The following ANK1 variants were observed in gnomAD, a reference collection of about 807,000 sequenced individuals.
ANK1 encodes ankyrin 1, also known as ankyrin-1.
ANK1 carries 51 observed loss-of-function variants against 210.4 expected under a neutral mutation model. That is an observed-to-expected ratio of 0.24 (90% CI 0.19 to 0.31). The LOEUF is 0.31. ANK1 is among the 10% of genes least tolerant of loss of function. ANK1 has a pLI of 1.00. For missense variants in ANK1, 2,051 were observed against 2,504.4 expected (o/e 0.82, Z 3.86); for synonymous variants, 967 against 1,025.9 (o/e 0.94, Z 1.10).
chr8:41,841,155 G>A (rs1192982686), intron 1 of ANK1, among the ~76,000 whole-genome samples: 3 of 152,180 alleles, frequency 2.0e-5, no homozygotes, highest in Admixed American at 6.5e-5. Context: ...CAGCCCACAT[G>A]TCCAATGTAA....
chr8:41,855,745 T>C (rs1441000212), intron 1 of ANK1, among the ~76,000 whole-genome samples: 1 of 152,176 alleles, frequency 6.6e-6, no homozygotes, highest in Non-Finnish European at 1.5e-5. Context: ...ATCCTTCTCC[T>C]TTCCCCGGCA....
intron 1 of ANK1, among the ~76,000 whole-genome samples, chr8:41,850,853 G>GT (rs150778194): frequency 0.011 from 1,672 of 152,364 alleles, 27 homozygotes; most frequent in African/African-American, 0.037. Flanking sequence ...GCCTCGGCTA[G>GT]TAAGTGGCTG....
chr8:41,760,763 T>TTTCAACTCA (rs1840207831), intron 1 of ANK1, among the ~76,000 whole-genome samples: 1 of 152,170 alleles, frequency 6.6e-6, no homozygotes, highest in African/African-American at 2.4e-5. Flanking sequence ...CATAGTTGCA[T>TTTCAACTCA]ACAAGGCTGA....
intron 1 of ANK1, among the ~76,000 whole-genome samples, chr8:41,857,459 C>T (rs1171842119): frequency 6.6e-6 from 1 of 151,670 alleles, no homozygotes; most frequent in Non-Finnish European, 1.5e-5. Flanking sequence ...CAAAATTAGG[C>T]CAGGTGCAGT....
chr8:41,867,800 G>C (rs960131224), intron 1 of ANK1, among the ~76,000 whole-genome samples: 1 of 152,172 alleles, frequency 6.6e-6, no homozygotes, highest in Non-Finnish European at 1.5e-5. Context: ...CACAGCACAA[G>C]GCACACAGTC....
chr8:41,849,140 T>A (rs2150810222), intron 1 of ANK1, among the ~76,000 whole-genome samples: 1 of 152,308 alleles, frequency 6.6e-6, no homozygotes, highest in African/African-American at 2.4e-5. Context: ...TGAACCACAT[T>A]TGGAGGGGCT....
chr8:41,772,006 C>T (rs769029076), intron 1 of ANK1, among the ~76,000 whole-genome samples: 11 of 152,060 alleles, frequency 7.2e-5, no homozygotes, highest in Non-Finnish European at 1.5e-4. Context: ...AGAACAGGTC[C>T]GGGCTGCTTC....
In ANK1 at chr8:41,694,118, G is replaced by C; in HGVS notation, c.3328-16C>G. The C allele has an allele frequency of 1.2e-6, 2 of 1,611,950 alleles. No homozygotes were observed. Among genetic ancestry groups the C allele is most frequent in the East Asian group, 2.2e-5 (1 of 44,774 alleles). On this transcript the variant is annotated splice_polypyrimidine_tract_variant and intron_variant, in intron 28 of 42. Transcript: ENST00000289734. This position sits in a 1 kb window ranked among gnomAD's most constrained non-coding sequence, Gnocchi z 5.7. The stretch of plus-strand genomic sequence containing the variant: ...CAGGCTGGGCCTGTGAAATGACAGA[G>C]GCAGGACACTCAGGCCCAAGCAGGA...
At position 41,797,248 on chromosome 8, in the gene ANK1, A is replaced by T. The variant is rs1356289535; in HGVS notation, c.27+264T>A. ...CTATTGCTGACAGGACATAATTCAGAGACCCAGGTAGTTGGAACTCAATTT... is the reference window on the plus strand; with the variant it reads ...CTATTGCTGACAGGACATAATTCAGTGACCCAGGTAGTTGGAACTCAATTT... On this transcript the variant is annotated intron_variant, in intron 1 of 42. Transcript: ENST00000289734. The surrounding 1 kb of genome is among the most constrained non-coding windows in gnomAD (Gnocchi z 4.0). Among the ~76,000 whole-genome samples the T allele has an allele frequency of 6.6e-6, 1 of 152,254 alleles. No individual in the cohort carries two copies. Among genetic ancestry groups the T allele is most frequent in the Non-Finnish European group, 1.5e-5 (1 of 68,046 alleles).
chr8:41,835,895 G>A (rs1807596105), intron 1 of ANK1, among the ~76,000 whole-genome samples: 1 of 152,220 alleles, frequency 6.6e-6, no homozygotes, highest in Non-Finnish European at 1.5e-5. Context: ...GCCCCGCCTG[G>A]GAGGACCCTC....
At chr8:41,825,063 G>C (rs57661382) in intron 1 of ANK1, among the ~76,000 whole-genome samples, 2 of 152,216 alleles carry the variant, frequency 1.3e-5, no homozygotes, top group Non-Finnish European at 2.9e-5. Flanking sequence ...GCCCCTGAGC[G>C]TGGAGGCCAC....
chr8:41,870,665 A>G (rs1815300531), intron 1 of ANK1, among the ~76,000 whole-genome samples: 1 of 152,258 alleles, frequency 6.6e-6, no homozygotes, highest in Non-Finnish European at 1.5e-5. Context: ...AAGGGAGGCC[A>G]ACAAAATAAA....
At chr8:41,661,617 ACACAGGCAGAAGAT>A in intron 41 of ANK1, 53 bp from the exon 42 acceptor site, 1 of 1,611,378 alleles carries the variant, frequency 6.2e-7, no homozygotes, top group African/African-American at 1.3e-5. Flanking sequence ...GACGGGCAGA[ACACAGGCAGAAGAT>A]CGAAAGGAGG....
At chr8:41,873,700 G>C (rs1459107521) in intron 1 of ANK1, among the ~76,000 whole-genome samples, 1 of 152,194 alleles carries the variant, frequency 6.6e-6, no homozygotes, top group Non-Finnish European at 1.5e-5. Flanking sequence ...GGGTCAGCAG[G>C]GGCTCCTGCC....
chr8:41,680,865 T>A (rs1554531690), intron 37 of ANK1, among the ~76,000 whole-genome samples: 1 of 152,130 alleles, frequency 6.6e-6, no homozygotes, highest in Non-Finnish European at 1.5e-5. Context: ...ATCCACTGGA[T>A]CCCCCAGGGT....
chr8:41,754,543 T>C lies in ANK1; in HGVS notation c.129+3493A>G, dbSNP rs182374546. ...TGAAAGTGTGTTACTTATGTAAGGA[T>C]AAGTATTTGCCCTGTTACTGCCACC... On this transcript the variant is annotated intron_variant, in intron 2 of 42. Transcript: ENST00000289734. Among the ~76,000 whole-genome samples the C allele has an allele frequency of 2.0e-3, 310 of 152,334 alleles. 4 individuals are homozygous for C. The Middle Eastern group carries it at 0.024, about 12-fold the overall frequency.
intron 10 of ANK1, among the ~76,000 whole-genome samples, chr8:41,719,009 C>T (rs1037588791): frequency 6.6e-6 from 1 of 152,238 alleles, no homozygotes; most frequent in Non-Finnish European, 1.5e-5. Flanking sequence ...ATGAATGAGC[C>T]ATCCTCTGCC....
At position 41,696,738 on chromosome 8, in the gene ANK1, G is replaced by T; in HGVS notation, c.2673C>A (p.Pro891=). Reference sequence around the variant, plus strand: ...CTGAGGTCTCGGTGGCCGGGCTGCTGGGGATGAGGGAGTCCTCATCATACT... The same window carrying T: ...CTGAGGTCTCGGTGGCCGGGCTGCTTGGGATGAGGGAGTCCTCATCATACT... The part of the protein sequence containing the change: ...SKEYDEDSLI[P]SSPATETSDN... Residue 891 remains proline (P), a synonymous_variant, in exon 25 of 43, where the codon CCC becomes CCA. Transcript: ENST00000289734. 6.3e-7 allele frequency: 1 copy of T among 1,599,316 alleles called. No individual in the cohort carries two copies. The highest frequency in any genetic ancestry group is 1.1e-5 in the South Asian group (1 of 90,880).
chr8:41,834,378 C>G (rs1227088404), intron 1 of ANK1, among the ~76,000 whole-genome samples: 1 of 152,270 alleles, frequency 6.6e-6, no homozygotes, highest in Admixed American at 6.5e-5. Flanking sequence ...CACCAGCAAG[C>G]TGGCTAGGAG....
Sources: allele counts gnomAD v4.1 joint callset (sites outside exome capture counted in the v4.1 genomes callset), GRCh38; gene constraint gnomAD v4.1.1; non-coding constraint Gnocchi (gnomAD v3.1); transcripts MANE v1.5; gene names NCBI Gene and HGNC (gene_info 2026-07-23, HGNC 2026-07-21).